Variants in TBC1D12 observed in about 807,000 individuals in gnomAD.
TBC1D12 encodes the protein TBC1 domain family member 12, also known as TBC1 domain family, member 12.
TBC1D12 carries 56 observed loss-of-function variants against 86.7 expected under a neutral mutation model. The observed-to-expected ratio is 0.65, with a 90% CI of 0.52 to 0.81. The LOEUF (loss-of-function observed/expected upper bound fraction) is 0.81, where lower values mean the gene tolerates loss of function less well. TBC1D12 is among the 30% of genes least tolerant of loss of function. The probability of loss-of-function intolerance (pLI) is 0.00; values close to 1 mark genes in which losing one functional copy is unlikely to be tolerated. For synonymous variants in TBC1D12, 421 were observed against 411.7 expected (o/e 1.02, Z -0.27); for missense variants, 1,023 against 1,038.8 (o/e 0.98, Z 0.21).
At chr10:94,521,498 A>G (rs1466198890) in intron 9 of TBC1D12, among the ~76,000 whole-genome samples, 2 of 152,018 alleles carry the variant, frequency 1.3e-5, no homozygotes, top group African/African-American at 4.8e-5. Context: ...CAACCCCCAC[A>G]ACGTCTCCTT....
chr10:94,501,975 G>C (rs188247526), intron 6 of TBC1D12, among the ~76,000 whole-genome samples: 1 of 152,088 alleles, frequency 6.6e-6, no homozygotes, highest in Non-Finnish European at 1.5e-5. Context: ...GTTACAGTGA[G>C]CTATGATTGT....
At position 94,457,449 on chromosome 10, in the gene TBC1D12, C is replaced by G. The variant is rs537956750; in HGVS notation, c.1095+15430C>G. 3.3e-5 allele frequency among the ~76,000 whole-genome samples: 5 copies of G among 152,250 alleles called. No individual in the cohort carries two copies. The South Asian group carries it at 8.3e-4, about 25-fold the overall frequency. On this transcript the variant is annotated intron_variant, in intron 2 of 12. Transcript: ENST00000225235. ...TTTATTTTTGAGACAGAATCTTGCT[C>G]TGTTGCCTAGGCTGGAATGCAGTGG...
intron 11 of TBC1D12, among the ~76,000 whole-genome samples, chr10:94,525,080 TC>T (rs1842251971): frequency 6.6e-6 from 1 of 152,090 alleles, no homozygotes; most frequent in Non-Finnish European, 1.5e-5. Flanking sequence ...ACCTCAGCAG[TC>T]CAGTTCCAGA....
Position 94,529,532 on chromosome 10 carries a change from C to T in TBC1D12, c.2001-1670C>T, listed in dbSNP as rs113428961. Among the ~76,000 whole-genome samples the T allele has an allele frequency of 5.9e-5, 9 of 152,210 alleles. No individual in the cohort carries two copies. In the South Asian group the frequency reaches 6.2e-4, roughly 11 times the overall value. On this transcript the variant is annotated intron_variant, in intron 11 of 12. Coordinates refer to ENST00000225235, the MANE Select transcript of TBC1D12 (RefSeq NM_015188.2). ...ACTCGGGAGGCTGAGGCAGGAGAAT[C>T]GCTTGAACCCCGGAGGTGGAGGTTG...
At position 94,406,862 on chromosome 10, in the gene TBC1D12, C is replaced by CT. The variant is rs557886071; in HGVS notation, c.971+3279dup. On this transcript the variant is annotated intron_variant, in intron 1 of 12. Coordinates refer to ENST00000225235, the MANE Select transcript of TBC1D12 (RefSeq NM_015188.2). ...TGTCTAAAGAAGGTAATTTAGTTAG[C>CT]TAGTGGCATGCTGGGATTTGAAACC... 1.3e-4 allele frequency among the ~76,000 whole-genome samples: 20 copies of CT among 152,232 alleles called. No homozygotes were observed. The East Asian group carries it at 3.9e-3, about 29-fold the overall frequency.
chr10:94,512,743 A>T (rs2056541381), intron 9 of TBC1D12, among the ~76,000 whole-genome samples: 3 of 152,212 alleles, frequency 2.0e-5, no homozygotes, highest in Admixed American at 2.0e-4. Flanking sequence ...ATTTGAAAAG[A>T]TCGTAAGATA....
chr10:94,477,056 TCAGTGTACAAAAATATATAAA>T (rs1252433408), intron 3 of TBC1D12, among the ~76,000 whole-genome samples: 1 of 152,242 alleles, frequency 6.6e-6, no homozygotes, highest in Non-Finnish European at 1.5e-5. Context: ...TGAAAAGAAC[TCAGTGTACAAAAATATATAAA>T]CAGCTGAAAA....
intron 2 of TBC1D12, among the ~76,000 whole-genome samples, chr10:94,474,111 A>G (rs1332347516): frequency 1.3e-5 from 2 of 152,130 alleles, no homozygotes; most frequent in African/African-American, 4.8e-5. Flanking sequence ...GGCATTATCT[A>G]TATCTTGTCT....
chr10:94,404,623 G>A (rs1363236965), intron 1 of TBC1D12, among the ~76,000 whole-genome samples: 31 of 150,962 alleles, frequency 2.1e-4, no homozygotes, highest in Non-Finnish European at 3.2e-4. Context: ...TCCAGCCTGG[G>A]GGACAAGAGC....
intron 2 of TBC1D12, among the ~76,000 whole-genome samples, chr10:94,465,829 T>C (rs563810365): frequency 2.6e-5 from 4 of 151,240 alleles, no homozygotes; most frequent in Non-Finnish European, 5.9e-5. Flanking sequence ...CACATATACG[T>C]ATACGCATAC....
At chr10:94,411,133 T>G (rs1230921561) in intron 1 of TBC1D12, among the ~76,000 whole-genome samples, 1 of 152,214 alleles carries the variant, frequency 6.6e-6, no homozygotes. Flanking sequence ...TAACTCTGCC[T>G]TAGGGTAATC....
chr10:94,477,693 G>A (rs779072110), intron 3 of TBC1D12, among the ~76,000 whole-genome samples: 4 of 152,152 alleles, frequency 2.6e-5, no homozygotes, highest in Admixed American at 6.5e-5. Flanking sequence ...CTGCTTTTGT[G>A]TCTTATCTAC....
intron 2 of TBC1D12, chr10:94,447,699 A>T (rs1189619883): frequency 2.5e-5 from 25 of 984,344 alleles, no homozygotes; most frequent in Non-Finnish European, 3.0e-5. Context: ...TGAATCTGTT[A>T]ATTATAAATA....
chr10:94,442,095 TTTTTA>T, intron 2 of TBC1D12, 76 bp downstream of exon 2: 2 of 1,432,540 alleles, frequency 1.4e-6, no homozygotes, highest in Non-Finnish European at 1.9e-6. Flanking sequence ...TTTTTTTTTT[TTTTTA>T]AACTAACCAT....
At chr10:94,468,234 G>T (rs1050536911) in intron 2 of TBC1D12, among the ~76,000 whole-genome samples, 32 of 152,110 alleles carry the variant, frequency 2.1e-4, no homozygotes, top group African/African-American at 7.2e-4. Context: ...CTAACTTTAA[G>T]AAATGAGAAA....
intron 2 of TBC1D12, among the ~76,000 whole-genome samples, chr10:94,452,192 A>C (rs556646766): frequency 6.6e-6 from 1 of 152,148 alleles, no homozygotes; most frequent in East Asian, 1.9e-4. Context: ...AGAGAGTTCC[A>C]TATAACTCCT....
At chr10:94,463,511 T>C (rs1265253896) in intron 2 of TBC1D12, among the ~76,000 whole-genome samples, 1 of 152,220 alleles carries the variant, frequency 6.6e-6, no homozygotes, top group Admixed American at 6.5e-5. Flanking sequence ...ATTAATCCAT[T>C]CATGAGGGCA....
chr10:94,507,193 G>T, intron 6 of TBC1D12, 74 bp from the exon 7 acceptor site: 1 of 1,440,458 alleles, frequency 6.9e-7, no homozygotes, highest in South Asian at 1.2e-5. Flanking sequence ...AATAGGTAAA[G>T]AGTAAAAATT....
At chr10:94,520,559 T>TA (rs74862567) in intron 9 of TBC1D12, among the ~76,000 whole-genome samples, 56,777 of 150,954 alleles carry the variant, frequency 0.38, 11,089 homozygotes, top group East Asian at 0.7. Context: ...CTCAAAAAAA[T>TA]AAAAAAATAA....
Sources: gnomAD v4.1 joint callset for allele counts (sites outside exome capture counted in the v4.1 genomes callset) on GRCh38, gnomAD v4.1.1 for gene constraint, MANE v1.5 for transcripts, NCBI Gene and HGNC (gene_info 2026-07-23, HGNC 2026-07-21) for gene names.